The following PLEKHH2 variants were observed in gnomAD, a reference collection of about 807,000 sequenced individuals.
PLEKHH2 encodes the protein pleckstrin homology, MyTH4 and FERM domain containing H2, also known as pleckstrin homology domain-containing family H member 2.
Under a neutral mutation model 187.9 loss-of-function variants are expected in PLEKHH2, and 129 were observed. That is an observed-to-expected ratio of 0.69 (90% CI 0.59 to 0.79). The LOEUF is 0.79. PLEKHH2 is among the 30% of genes least tolerant of loss of function. The pLI is 0.00. For missense variants in PLEKHH2, 2,076 were observed against 1,751.2 expected (o/e 1.19, Z -3.31); for synonymous variants, 686 against 605.6 (o/e 1.13, Z -1.95).
intron 2 of PLEKHH2, among the ~76,000 whole-genome samples, chr2:43,669,015 G>T (rs1667368809): frequency 6.6e-6 from 1 of 152,172 alleles, no homozygotes; most frequent in South Asian, 2.1e-4. Context: ...AGCTGGTTGA[G>T]CTAAGCAGCA....
At chr2:43,650,671 A>G (rs1489894441) in intron 2 of PLEKHH2, among the ~76,000 whole-genome samples, 5 of 150,180 alleles carry the variant, frequency 3.3e-5, no homozygotes, top group African/African-American at 1.2e-4. Flanking sequence ...TTTAAGTTGA[A>G]GTCTCACTCT....
intron 6 of PLEKHH2, among the ~76,000 whole-genome samples, chr2:43,696,884 T>G (rs1399005659): frequency 5.3e-5 from 8 of 152,334 alleles, no homozygotes; most frequent in Admixed American, 1.3e-4. Context: ...ATAATCTGTT[T>G]GTGTTTTGTC....
chr2:43,643,763 A>T (rs1446252201), intron 1 of PLEKHH2, among the ~76,000 whole-genome samples: 1 of 152,142 alleles, frequency 6.6e-6, no homozygotes, highest in East Asian at 1.9e-4. Flanking sequence ...TAGGCTGCTT[A>T]TTAAAAATAG....
At chr2:43,643,721 T>G (rs1207118040) in intron 1 of PLEKHH2, among the ~76,000 whole-genome samples, 1 of 152,106 alleles carries the variant, frequency 6.6e-6, no homozygotes, top group Non-Finnish European at 1.5e-5. Flanking sequence ...AGCAGGGCAG[T>G]TCATAGCAAG....
chr2:43,702,137 A>G (rs1356681803), intron 8 of PLEKHH2, among the ~76,000 whole-genome samples: 1 of 152,230 alleles, frequency 6.6e-6, no homozygotes, highest in Non-Finnish European at 1.5e-5. Context: ...TTTGGCCTCC[A>G]GAGAAACATC....
intron 4 of PLEKHH2, among the ~76,000 whole-genome samples, chr2:43,692,882 A>T (rs17031287): frequency 0.16 from 24,773 of 152,044 alleles, 3,050 homozygotes; most frequent in African/African-American, 0.35. Flanking sequence ...CACTTTTTGG[A>T]TGTGAGAATG....
intron 25 of PLEKHH2, among the ~76,000 whole-genome samples, chr2:43,754,869 C>CT (rs3066318): frequency 0.084 from 9,165 of 108,732 alleles, 674 homozygotes; most frequent in South Asian, 0.14. Flanking sequence ...TTAAAATCAA[C>CT]TTTTTTTTTT....
chr2:43,673,656 G>C (rs966725313), intron 2 of PLEKHH2, among the ~76,000 whole-genome samples: 1 of 152,180 alleles, frequency 6.6e-6, no homozygotes, highest in Non-Finnish European at 1.5e-5. Context: ...TTGAACACCT[G>C]TTAAGTATTA....
rs116222513 is a variant in PLEKHH2 at position 43,673,222 on chromosome 2, A to T, written c.124-5641A>T. Among the ~76,000 whole-genome samples, 331 of 152,254 alleles carry T rather than the reference A, an allele frequency of 2.2e-3. 2 individuals are homozygous for T. The highest frequency in any genetic ancestry group is 7.4e-3 in the African/African-American group (308 of 41,538). On this transcript the variant is annotated intron_variant, in intron 2 of 29. Coordinates refer to ENST00000282406, the MANE Select transcript of PLEKHH2 (RefSeq NM_172069.4). ...ACCTACTTCTTTCCTCCTATGTTAT[A>T]TTGAGACAAGTCCCAAATATATCAT...
intron 8 of PLEKHH2, 69 bp from the exon 9 acceptor site, chr2:43,703,912 T>A: frequency 1.2e-6 from 1 of 860,078 alleles, no homozygotes; most frequent in Non-Finnish European, 1.8e-6. Flanking sequence ...GTATTGAAAG[T>A]AGTCTTTTTT....
At chr2:43,712,031 T>G in intron 14 of PLEKHH2, 194 bp from the exon 15 acceptor site, 2 of 1,269,590 alleles carry the variant, frequency 1.6e-6, no homozygotes, top group Non-Finnish European at 2.0e-6. Flanking sequence ...CCACAAAAAT[T>G]TAATTGCTGT....
intron 17 of PLEKHH2, among the ~76,000 whole-genome samples, chr2:43,727,521 A>G (rs1166297845): frequency 6.6e-6 from 1 of 152,238 alleles, no homozygotes; most frequent in Non-Finnish European, 1.5e-5. Context: ...ATATTATCAT[A>G]AATATGACTA....
chr2:43,740,172 A>G (rs940310963), intron 20 of PLEKHH2, among the ~76,000 whole-genome samples: 6 of 152,232 alleles, frequency 3.9e-5, no homozygotes, highest in African/African-American at 1.2e-4. Flanking sequence ...AAAATTATAT[A>G]TAACAAACAA....
intron 24 of PLEKHH2, among the ~76,000 whole-genome samples, 195 bp downstream of exon 24, chr2:43,746,158 T>C (rs532507721): frequency 1.3e-5 from 2 of 152,376 alleles, no homozygotes; most frequent in Non-Finnish European, 2.9e-5. Flanking sequence ...AGTCTCTTAA[T>C]GTCATAAAGA....
chr2:43,703,672 A>T (rs967474310), intron 8 of PLEKHH2, among the ~76,000 whole-genome samples: 16 of 152,090 alleles, frequency 1.1e-4, no homozygotes, highest in African/African-American at 3.6e-4. Flanking sequence ...GGTGGTGTTT[A>T]TGTGTAGTCA....
intron 8 of PLEKHH2, among the ~76,000 whole-genome samples, chr2:43,702,853 A>C (rs184122118): frequency 7.3e-4 from 111 of 152,268 alleles, no homozygotes; most frequent in Middle Eastern, 3.4e-3. Flanking sequence ...CGATAGAAAC[A>C]AGTGACATCC....
intron 3 of PLEKHH2, chr2:43,680,971 A>G (rs1223823144): frequency 9.1e-7 from 1 of 1,104,736 alleles, no homozygotes; most frequent in Non-Finnish European, 1.3e-6. Context: ...CTGGATTTCT[A>G]GTTTCCGTTA....
chr2:43,735,709 A>G (rs1671259783), intron 19 of PLEKHH2, among the ~76,000 whole-genome samples: 1 of 152,236 alleles, frequency 6.6e-6, no homozygotes, highest in Admixed American at 6.5e-5. Flanking sequence ...TGCAGCTATT[A>G]TGTGTCAATA....
Position 43,726,313 on chromosome 2 carries a change from A to G in PLEKHH2, c.2583A>G (p.Glu861=). 6.2e-7 allele frequency: 1 copy of G among 1,612,382 alleles called. No homozygotes were observed. Among genetic ancestry groups the G allele is most frequent in the Admixed American group, 1.7e-5 (1 of 60,006 alleles). The change falls in exon 17 of 30, where the codon GAA becomes GAG. Residue 861 remains glutamate (E), a synonymous_variant. Coordinates refer to ENST00000282406, the MANE Select transcript of PLEKHH2 (RefSeq NM_172069.4). ...GQIKLWEAKV[E]EVDRSCDSDE... ...TCAAACTCTGGGAGGCTAAAGTGGA[A>G]GAGGTTGACAGATCTTGTGATTCAG...
Sources: allele counts gnomAD v4.1 joint callset (sites outside exome capture counted in the v4.1 genomes callset), GRCh38; gene constraint gnomAD v4.1.1; transcripts MANE v1.5; gene names NCBI Gene and HGNC (gene_info 2026-07-23, HGNC 2026-07-21).